The following SLC8A1 variants were observed in gnomAD, a reference collection of about 807,000 sequenced individuals.
SLC8A1 encodes the protein solute carrier family 8 member A1, also known as sodium/calcium exchanger 1.
In SLC8A1, 18 loss-of-function variants were observed where a neutral mutation model predicts 68.3. The observed-to-expected ratio is 0.26, with a 90% CI of 0.18 to 0.39. The LOEUF is 0.39. SLC8A1 is among the 10% of genes least tolerant of loss of function. SLC8A1 has a pLI of 1.00. For missense variants in SLC8A1, 985 were observed against 1,156.7 expected (o/e 0.85, Z 2.15); for synonymous variants, 475 against 415.5 (o/e 1.14, Z -1.74).
intron 2 of SLC8A1, among the ~76,000 whole-genome samples, chr2:40,359,053 G>A (rs1673692721): frequency 6.6e-6 from 1 of 152,154 alleles, no homozygotes; most frequent in Non-Finnish European, 1.5e-5. Context: ...GGAATGGAAA[G>A]AAGGTCAACA....
chr2:40,438,888 A>G (rs771647032), intron 1 of SLC8A1, among the ~76,000 whole-genome samples: 9 of 152,128 alleles, frequency 5.9e-5, no homozygotes, highest in Non-Finnish European at 1.2e-4. Context: ...AGCAGAACTG[A>G]GTAGAAGCAC....
At chr2:40,390,856 C>T (rs922963334) in intron 2 of SLC8A1, among the ~76,000 whole-genome samples, 1 of 151,776 alleles carries the variant, frequency 6.6e-6, no homozygotes, top group Non-Finnish European at 1.5e-5. Context: ...GATCTGTGTA[C>T]CCAATTTGAT....
At chr2:40,169,932 G>C (rs1291518917) in intron 4 of SLC8A1, among the ~76,000 whole-genome samples, 2 of 152,140 alleles carry the variant, frequency 1.3e-5, no homozygotes, top group Non-Finnish European at 2.9e-5. Flanking sequence ...GTGACAGAGA[G>C]AATCCCCATC....
At chr2:40,467,760 T>C (rs1038981328) in intron 1 of SLC8A1, among the ~76,000 whole-genome samples, 1 of 152,194 alleles carries the variant, frequency 6.6e-6, no homozygotes, top group Non-Finnish European at 1.5e-5. Context: ...TGTAACACTT[T>C]TGCATTCACT....
chr2:40,382,471 C>G (rs1050262312), intron 2 of SLC8A1, among the ~76,000 whole-genome samples: 1 of 152,014 alleles, frequency 6.6e-6, no homozygotes, highest in African/African-American at 2.4e-5. Flanking sequence ...TTATTCAAAT[C>G]AATAAAATAT....
chr2:40,463,012 G>C (rs937921083), intron 1 of SLC8A1, among the ~76,000 whole-genome samples: 2 of 148,932 alleles, frequency 1.3e-5, no homozygotes, highest in Non-Finnish European at 3.0e-5. Context: ...AATTATCAGT[G>C]AAAAAAAAAA....
chr2:40,301,103 G>C (rs2149266383), intron 2 of SLC8A1, among the ~76,000 whole-genome samples: 1 of 152,208 alleles, frequency 6.6e-6, no homozygotes, highest in Admixed American at 6.5e-5. Flanking sequence ...TTTGCATCTT[G>C]ATTTTTGCAC....
chr2:40,233,478 T>C (rs1157256314), intron 2 of SLC8A1, among the ~76,000 whole-genome samples: 7 of 144,554 alleles, frequency 4.8e-5, no homozygotes, highest in African/African-American at 1.5e-4. Context: ...TTGAGTTCAT[T>C]GTAGATTCTG....
intron 2 of SLC8A1, among the ~76,000 whole-genome samples, chr2:40,414,447 G>C (rs141196583): frequency 7.2e-4 from 109 of 152,318 alleles, no homozygotes; most frequent in African/African-American, 2.5e-3. Context: ...GAGTAACATT[G>C]AGTGTGTGGG....
intron 5 of SLC8A1, 90 bp downstream of exon 8, chr2:40,164,764 C>A: frequency 1.3e-6 from 2 of 1,506,538 alleles, no homozygotes; most frequent in Non-Finnish European, 9.0e-7. Flanking sequence ...ACTACTCTTT[C>A]CAGGTGGATC....
chr2:40,493,668 TTTC>T (rs1223117128), intron 1 of SLC8A1, among the ~76,000 whole-genome samples: 1 of 139,018 alleles, frequency 7.2e-6, no homozygotes, highest in African/African-American at 2.8e-5. Context: ...TTTTTTTTTT[TTTC>T]CACGACAGAG....
At chr2:40,316,737 C>T (rs956407544) in intron 2 of SLC8A1, among the ~76,000 whole-genome samples, 1 of 151,932 alleles carries the variant, frequency 6.6e-6, no homozygotes, top group Non-Finnish European at 1.5e-5. Context: ...TATCAGGGCC[C>T]TAACGTGGCT....
At chr2:40,388,271 G>A (rs926279096) in intron 2 of SLC8A1, among the ~76,000 whole-genome samples, 1 of 152,100 alleles carries the variant, frequency 6.6e-6, no homozygotes, top group African/African-American at 2.4e-5. Flanking sequence ...ATTTGGAAAT[G>A]TTTTATGGAT....
chr2:40,157,248 C>T lies in SLC8A1; in HGVS notation c.2161+3517G>A, dbSNP rs372373853. 3.3e-5 allele frequency among the ~76,000 whole-genome samples: 5 copies of T among 152,188 alleles called. 1 individual carries two copies. Among genetic ancestry groups the T allele is most frequent in the Admixed American group, 6.5e-5 (1 of 15,284 alleles). On this transcript the variant is annotated intron_variant, in intron 6 of 7. Transcript: ENST00000406785. ...CAGATGGCCTTTGTGAAAATGCATA[C>T]GGTTTAAATTAATTCTTATGGCAGC...
intron 6 of SLC8A1, among the ~76,000 whole-genome samples, chr2:40,141,717 C>T (rs2041602153): frequency 6.6e-6 from 1 of 152,190 alleles, no homozygotes; most frequent in East Asian, 1.9e-4. Context: ...TATGATAAAG[C>T]TCTGTCATCA....
chr2:40,098,885 A>T (rs757976376), exon 8 of SLC8A1: 2 of 152,074 alleles, frequency 1.3e-5, no homozygotes, highest in Non-Finnish European at 2.9e-5. Flanking sequence ...CAGATCATTA[A>T]ACAATGGTCT....
chr2:40,415,603 T>A (rs1009108772), intron 2 of SLC8A1, among the ~76,000 whole-genome samples: 2 of 151,934 alleles, frequency 1.3e-5, no homozygotes, highest in African/African-American at 4.8e-5. Context: ...GGATAGGATG[T>A]GGGTAGGTAA....
Position 40,401,109 on chromosome 2 carries a change from A to C in SLC8A1, c.1808+27364T>G, listed in dbSNP as rs115412858. Among the ~76,000 whole-genome samples, 1,472 of 152,272 alleles carry C rather than the reference A, an allele frequency of 9.7e-3. 29 individuals carry two copies. The highest frequency in any genetic ancestry group is 0.034 in the African/African-American group (1,406 of 41,550). Reference sequence around the variant, plus strand: ...CTATTTTCCAGTTGCAGAAATCATCACCCAGAAATAAGGGAAAAACCTGAT... The same window carrying C: ...CTATTTTCCAGTTGCAGAAATCATCCCCCAGAAATAAGGGAAAAACCTGAT... On this transcript the variant is annotated intron_variant, in intron 2 of 7. Transcript: ENST00000406785.
chr2:40,302,549 A>G (rs1016819305), intron 2 of SLC8A1, among the ~76,000 whole-genome samples: 8 of 148,628 alleles, frequency 5.4e-5, no homozygotes, highest in African/African-American at 2.0e-4. Flanking sequence ...CATATCATAT[A>G]TATGTATATA....
Sources: gnomAD v4.1 joint callset for allele counts (sites outside exome capture counted in the v4.1 genomes callset) on GRCh38, gnomAD v4.1.1 for gene constraint, MANE v1.5 for transcripts, NCBI Gene and HGNC (gene_info 2026-07-23, HGNC 2026-07-21) for gene names.